EXTL3: variants seen among roughly 807,000 people sequenced by gnomAD.
EXTL3 encodes the protein exostosin-like 3.
In EXTL3, 27 loss-of-function variants were observed where a neutral mutation model predicts 69.3. The ratio of observed to expected loss-of-function variants is 0.39; its 90% confidence interval spans 0.29 to 0.54. The LOEUF is 0.54. Among genes scored for constraint, EXTL3 ranks in the 20% least tolerant of loss-of-function variants. The pLI, the probability that EXTL3 is intolerant of heterozygous loss-of-function variation, is 0.69. For synonymous variants in EXTL3, 511 were observed against 499.4 expected, an observed-to-expected ratio of 1.02 and a Z score of -0.31; for missense variants, 1,003 against 1,231.8, an observed-to-expected ratio of 0.81 and a Z score of 2.78.
intron 1 of EXTL3, among the ~76,000 whole-genome samples, chr8:28,680,437 C>T (rs1299207253): frequency 6.6e-6 from 1 of 150,466 alleles, no homozygotes; most frequent in Admixed American, 6.6e-5. Flanking sequence ...TTTTCTTTAT[C>T]CCAGCTTTAT....
intron 1 of EXTL3, among the ~76,000 whole-genome samples, chr8:28,667,910 A>T (rs1807221853): frequency 6.6e-6 from 1 of 151,924 alleles, no homozygotes; most frequent in Admixed American, 6.6e-5. Context: ...GGTGGCTCAC[A>T]CCTGTCATCC....
chr8:28,745,842 T>G (rs1044469294), intron 6 of EXTL3, among the ~76,000 whole-genome samples: 1 of 152,224 alleles, frequency 6.6e-6, no homozygotes, highest in Non-Finnish European at 1.5e-5. Flanking sequence ...TTAGACATGG[T>G]GCACATGATT....
rs149285693 is a variant in EXTL3, at chr8:28,726,843, G to A, written c.2149-4380G>A. On this transcript the variant is annotated intron_variant, in intron 3 of 6. Transcript: ENST00000220562. ...AACTGACAAAACTGTAGTGCTTGGT[G>A]TTGTGTTTCTGTGAATCTTTAACAG... is the stretch of plus-strand genomic sequence containing the variant. 2.2e-3 allele frequency among the ~76,000 whole-genome samples: 322 copies of A among 144,618 alleles called. 2 individuals are homozygous for A. Among genetic ancestry groups the A allele is most frequent in the African/African-American group, 8.2e-3 (318 of 38,920 alleles). 94.9% of individuals were successfully genotyped at this position (144,618 alleles called of 152,430 possible).
At chr8:28,628,033 A>T (rs1256095811) in intron 1 of EXTL3, among the ~76,000 whole-genome samples, 2 of 152,180 alleles carry the variant, frequency 1.3e-5, no homozygotes, top group Non-Finnish European at 2.9e-5. Flanking sequence ...AACAATGTGA[A>T]CGTGCTTAAT....
At chr8:28,665,550 T>C (rs76532901) in intron 1 of EXTL3, among the ~76,000 whole-genome samples, 5,742 of 151,376 alleles carry the variant, frequency 0.038, 355 homozygotes, top group African/African-American at 0.13. Context: ...TAGTTGGGAC[T>C]ACAGGCACAT....
chr8:28,733,578 G>A (rs879767886), intron 4 of EXTL3, among the ~76,000 whole-genome samples: 2 of 40,210 alleles, frequency 5.0e-5, no homozygotes, highest in African/African-American at 2.0e-4. Flanking sequence ...TTTTTTTTTT[G>A]TACAGATGGG....
intron 3 of EXTL3, 141 bp from the exon 4 acceptor site, chr8:28,731,082 T>C: frequency 1.1e-6 from 1 of 896,262 alleles, no homozygotes; most frequent in Non-Finnish European, 1.8e-6. Context: ...CTGAAAGGCA[T>C]ATGCTAGATT....
intron 1 of EXTL3, among the ~76,000 whole-genome samples, chr8:28,687,163 C>G (rs1807590871): frequency 6.6e-6 from 1 of 152,160 alleles, no homozygotes; most frequent in Non-Finnish European, 1.5e-5. Flanking sequence ...AAGCTGGAAA[C>G]TTGAGAAAAT....
chr8:28,658,248 C>T (rs1226373084), intron 1 of EXTL3, among the ~76,000 whole-genome samples: 1 of 152,118 alleles, frequency 6.6e-6, no homozygotes, highest in East Asian at 1.9e-4. Context: ...TTATGTCAGG[C>T]CTCAGCAGGG....
chr8:28,634,859 T>C (rs1806627824), intron 1 of EXTL3, among the ~76,000 whole-genome samples: 1 of 152,132 alleles, frequency 6.6e-6, no homozygotes, highest in Admixed American at 6.5e-5. Context: ...CCTCCCATAG[T>C]GCTGAGATTA....
At chr8:28,628,665 G>GT (rs1428227305) in intron 1 of EXTL3, among the ~76,000 whole-genome samples, 1 of 152,116 alleles carries the variant, frequency 6.6e-6, no homozygotes, top group Non-Finnish European at 1.5e-5. Flanking sequence ...TTTTTTGTTT[G>GT]TTTTTTGAGA....
intron 4 of EXTL3, among the ~76,000 whole-genome samples, chr8:28,733,032 C>T (rs1358803385): frequency 1.3e-5 from 2 of 151,988 alleles, no homozygotes; most frequent in African/African-American, 2.4e-5. Flanking sequence ...GTGCCCAGCC[C>T]AGGTACCAGT....
At chr8:28,628,277 G>A (rs1004617067) in intron 1 of EXTL3, among the ~76,000 whole-genome samples, 7 of 151,746 alleles carry the variant, frequency 4.6e-5, no homozygotes, top group Non-Finnish European at 1.0e-4. Context: ...CAGGAGAATC[G>A]CTCGAACCCA....
chr8:28,673,824 C>T (rs1485882292), intron 1 of EXTL3, among the ~76,000 whole-genome samples: 1 of 152,118 alleles, frequency 6.6e-6, no homozygotes, highest in Non-Finnish European at 1.5e-5. Context: ...TAGATTTTGG[C>T]ACTGAGAGTG....
intron 1 of EXTL3, among the ~76,000 whole-genome samples, chr8:28,633,901 C>T (rs12235009): frequency 0.21 from 32,086 of 152,092 alleles, 4,040 homozygotes; most frequent in Non-Finnish European, 0.28. Flanking sequence ...CTCCAGGGGC[C>T]GCTACAGAAC....
chr8:28,717,312 G>T lies in EXTL3; in HGVS notation c.1253G>T (p.Arg418Leu). The change falls in exon 3 of 7, where the codon CGG becomes CTG. Residue 418 changes from arginine to leucine, a missense_variant. By Grantham distance (102) the Arg-to-Leu change is moderately radical. Transcript: ENST00000220562. The surrounding 1 kb of genome is among the most constrained non-coding windows in gnomAD (Gnocchi z 8.3). ...ACTGAGTGGGCACTGTGTGGAGAGC[G>T]GGAGGACCGCTTGGAATTGCTGAAG... Reference protein sequence around the residue: ...LPTEWALCGEREDRLELLKLS... With the variant: ...LPTEWALCGELEDRLELLKLS... 1 of 1,614,214 alleles carries T rather than the reference G, an allele frequency of 6.2e-7. No individual in the cohort carries two copies. The highest frequency in any genetic ancestry group is 8.5e-7 in the Non-Finnish European group (1 of 1,180,048).
upstream of EXTL3, among the ~76,000 whole-genome samples, chr8:28,619,016 T>C (rs1362970139): frequency 7.0e-6 from 1 of 142,040 alleles, no homozygotes; most frequent in East Asian, 2.1e-4. Context: ...CGCTTGAACC[T>C]GGGAGGCGGA....
At chr8:28,620,176 T>G (rs970309935), upstream of EXTL3, among the ~76,000 whole-genome samples, 2 of 151,874 alleles carry the variant, frequency 1.3e-5, no homozygotes, top group Non-Finnish European at 2.9e-5. Flanking sequence ...CCTGGCCGGC[T>G]TCTGATTCTT....
chr8:28,652,689 A>G (rs961088556), intron 1 of EXTL3, among the ~76,000 whole-genome samples: 1 of 150,172 alleles, frequency 6.7e-6, no homozygotes, highest in African/African-American at 2.5e-5. Flanking sequence ...ATATAGCCAT[A>G]TATATATATA....
Sources: gnomAD v4.1 joint callset for allele counts (sites outside exome capture counted in the v4.1 genomes callset) on GRCh38, gnomAD v4.1.1 for gene constraint, Gnocchi (gnomAD v3.1) non-coding constraint, MANE v1.5 for transcripts, NCBI Gene and HGNC (gene_info 2026-07-23, HGNC 2026-07-21) for gene names.